HS6ST3: variants seen among roughly 807,000 people sequenced by gnomAD.
HS6ST3 encodes heparan-sulfate 6-O-sulfotransferase 3.
Under a neutral mutation model 36.7 loss-of-function variants are expected in HS6ST3, and 12 were observed. That is an observed-to-expected ratio of 0.33 (90% CI 0.21 to 0.53). The LOEUF (loss-of-function observed/expected upper bound fraction) is 0.53. HS6ST3 is among the 20% of genes least tolerant of loss of function. The pLI, the probability that HS6ST3 is intolerant of heterozygous loss-of-function variation, is 0.95. For synonymous variants in HS6ST3, 240 were observed against 257.5 expected, an observed-to-expected ratio of 0.93 and a Z score of 0.65; for missense variants, 584 against 640.9, an observed-to-expected ratio of 0.91 and a Z score of 0.96.
intron 1 of HS6ST3, among the ~76,000 whole-genome samples, chr13:96,776,732 A>G (rs1566451072): frequency 6.6e-6 from 1 of 152,192 alleles, no homozygotes; most frequent in African/African-American, 2.4e-5. Flanking sequence ...CCAGGACCAG[A>G]TGGATTCACA....
At chr13:96,659,982 G>A (rs2056640817) in intron 1 of HS6ST3, among the ~76,000 whole-genome samples, 1 of 151,912 alleles carries the variant, frequency 6.6e-6, no homozygotes, top group South Asian at 2.1e-4. Flanking sequence ...TTGATAGATG[G>A]GATTTGATTT....
chr13:96,274,556 A>G (rs1213359201), intron 1 of HS6ST3, among the ~76,000 whole-genome samples: 1 of 152,104 alleles, frequency 6.6e-6, no homozygotes, highest in East Asian at 1.9e-4. Flanking sequence ...ATTTGGAAAC[A>G]TGTATAACAT....
intron 1 of HS6ST3, among the ~76,000 whole-genome samples, chr13:96,427,854 T>C (rs1025831857): frequency 6.6e-6 from 1 of 152,198 alleles, no homozygotes; most frequent in Non-Finnish European, 1.5e-5. Context: ...TTTCTTGACC[T>C]TGACACTTTG....
chr13:96,210,109 TC>T (rs1319108866), intron 1 of HS6ST3, among the ~76,000 whole-genome samples: 13 of 152,288 alleles, frequency 8.5e-5, no homozygotes, highest in African/African-American at 1.2e-4. Context: ...AGATATTTTT[TC>T]CCCCTATGTG....
At chr13:96,461,677 T>C (rs2055785019) in intron 1 of HS6ST3, among the ~76,000 whole-genome samples, 2 of 152,196 alleles carry the variant, frequency 1.3e-5, no homozygotes, top group East Asian at 3.9e-4. Flanking sequence ...AAAGTTGGCT[T>C]TCACCCTGAG....
chr13:96,771,476 T>C (rs972949986), intron 1 of HS6ST3, among the ~76,000 whole-genome samples: 1 of 151,952 alleles, frequency 6.6e-6, no homozygotes, highest in Non-Finnish European at 1.5e-5. Context: ...AGATAAGCAT[T>C]CTAATCATGT....
intron 1 of HS6ST3, among the ~76,000 whole-genome samples, chr13:96,668,113 C>A (rs959290883): frequency 6.6e-6 from 1 of 151,936 alleles, no homozygotes; most frequent in African/African-American, 2.4e-5. Flanking sequence ...TTATAATGCC[C>A]ATTTTGCAGA....
At chr13:96,209,504 T>C (rs188081468) in intron 1 of HS6ST3, among the ~76,000 whole-genome samples, 1 of 152,212 alleles carries the variant, frequency 6.6e-6, no homozygotes, top group East Asian at 1.9e-4. Flanking sequence ...GTCATGAGAA[T>C]AGGTGGATGT....
intron 1 of HS6ST3, among the ~76,000 whole-genome samples, chr13:96,504,488 C>T (rs1364934603): frequency 3.3e-5 from 5 of 151,888 alleles, no homozygotes; most frequent in Middle Eastern, 6.8e-3. Context: ...AGGATGTAGA[C>T]AGGAAAAGGA....
chr13:96,291,587 T>A (rs1315772966), intron 1 of HS6ST3, among the ~76,000 whole-genome samples: 1 of 152,186 alleles, frequency 6.6e-6, no homozygotes, highest in East Asian at 1.9e-4. Flanking sequence ...ACATGGATGA[T>A]CCTGACAAGT....
chr13:96,382,371 A>G (rs1288220295), intron 1 of HS6ST3, among the ~76,000 whole-genome samples: 1 of 152,190 alleles, frequency 6.6e-6, no homozygotes, highest in African/African-American at 2.4e-5. Flanking sequence ...GGGTCTTATT[A>G]AGTACAGTCT....
intron 1 of HS6ST3, among the ~76,000 whole-genome samples, chr13:96,696,055 T>A (rs1875118084): frequency 6.6e-6 from 1 of 152,152 alleles, no homozygotes; most frequent in Non-Finnish European, 1.5e-5. Context: ...AATTTCTAGA[T>A]GTATCAATGA....
chr13:96,269,144 A>G (rs1202246180), intron 1 of HS6ST3, among the ~76,000 whole-genome samples: 1 of 152,008 alleles, frequency 6.6e-6, no homozygotes, highest in African/African-American at 2.4e-5. Context: ...GTTGTTAAAC[A>G]TGCCCCCAAA....
intron 1 of HS6ST3, among the ~76,000 whole-genome samples, chr13:96,279,009 A>G (rs2054761908): frequency 1.3e-5 from 2 of 152,300 alleles, no homozygotes; most frequent in Admixed American, 6.5e-5. Context: ...AGGCAGAACA[A>G]TGAGTGAACA....
At chr13:96,308,994 A>C (rs2054927260) in intron 1 of HS6ST3, among the ~76,000 whole-genome samples, 1 of 152,174 alleles carries the variant, frequency 6.6e-6, no homozygotes. Flanking sequence ...ATATTTGTAC[A>C]AAATATTTAC....
chr13:96,777,363 A>G (rs982302013), intron 1 of HS6ST3, among the ~76,000 whole-genome samples: 1 of 152,214 alleles, frequency 6.6e-6, no homozygotes, highest in Non-Finnish European at 1.5e-5. Context: ...AAGCGTATTC[A>G]AATAGGAAGA....
intron 1 of HS6ST3, among the ~76,000 whole-genome samples, chr13:96,508,730 G>A (rs986925554): frequency 1.3e-5 from 2 of 152,072 alleles, no homozygotes; most frequent in African/African-American, 4.8e-5. Flanking sequence ...TGACTGAGTA[G>A]TATTTCATGG....
intron 1 of HS6ST3, among the ~76,000 whole-genome samples, chr13:96,343,480 T>G (rs1270140875): frequency 1.3e-5 from 2 of 152,226 alleles, no homozygotes; most frequent in Non-Finnish European, 2.9e-5. Flanking sequence ...TTAAGGATTC[T>G]TGTGATTACA....
intron 1 of HS6ST3, among the ~76,000 whole-genome samples, chr13:96,241,592 TG>T (rs1191668537): frequency 6.6e-6 from 1 of 151,520 alleles, no homozygotes. Context: ...TAGAACCTTA[TG>T]GTCCCAGGAG....
Sources: gnomAD v4.1 joint callset for allele counts (sites outside exome capture counted in the v4.1 genomes callset) on GRCh38, gnomAD v4.1.1 for gene constraint, MANE v1.5 for transcripts, NCBI Gene and HGNC (gene_info 2026-07-23, HGNC 2026-07-21) for gene names.